Variants in ANXA6 observed in about 807,000 individuals in gnomAD.
ANXA6 encodes the protein annexin A6.
In ANXA6, 71 loss-of-function variants were observed where a neutral mutation model predicts 95.4. The ratio of observed to expected loss-of-function variants is 0.74; its 90% confidence interval spans 0.61 to 0.91. The LOEUF is 0.91. Ranked by LOEUF, ANXA6 falls within the 40% of genes least tolerant of loss-of-function variation. The pLI is 0.00. For missense variants in ANXA6, 830 were observed against 876.4 expected (o/e 0.95, Z 0.67); for synonymous variants, 289 against 315.9 (o/e 0.91, Z 0.90).
At chr5:151,118,111 C>G (rs1032083054) in intron 18 of ANXA6, among the ~76,000 whole-genome samples, 1 of 152,154 alleles carries the variant, frequency 6.6e-6, no homozygotes. Context: ...TATTTAACAG[C>G]CTCTTAAGTC....
chr5:151,117,782 C>T lies in ANXA6; in HGVS notation c.1494G>A (p.Arg498=), dbSNP rs375071714. 5.2e-5 allele frequency: 84 copies of T among 1,613,698 alleles called. No individual in the cohort carries two copies. The highest frequency in any genetic ancestry group is 7.0e-5 in the Non-Finnish European group (82 of 1,179,826). Reference sequence around the variant, plus strand: ...CCGTGGCCAGAGAAATGAGGATCCTCCTGAAGTGGCCAGATGTGTCTGAGC... The same window carrying T: ...CCGTGGCCAGAGAAATGAGGATCCTTCTGAAGTGGCCAGATGTGTCTGAGC... ...ALSSDTSGHF[R]RILISLATGH... is the part of the protein sequence containing the mutation. The change falls in exon 19 of 26, where the codon AGG becomes AGA. Residue 498 remains arginine (R), a synonymous_variant. Coordinates refer to ENST00000354546, the MANE Select transcript of ANXA6 (RefSeq NM_001155.5).
Position 151,108,536 on chromosome 5 carries a change from T to A in ANXA6, c.1699A>T (p.Ile567Phe). Residue 567 changes from isoleucine to phenylalanine, a missense_variant, in exon 23 of 26, where the codon ATC (isoleucine) becomes TTC (phenylalanine). Coordinates refer to ENST00000354546, the MANE Select transcript of ANXA6 (RefSeq NM_001155.5). ...TCCACGTCATAGTTGGTCATCTTGA[T>A]GAACTCCTGGAAGACTGGCCACAAG... ...PHLRRVFQEF[I>F]KMTNYDVEHT... The A allele has an allele frequency of 1.2e-6, 2 of 1,613,912 alleles. No homozygotes were observed. Among genetic ancestry groups the A allele is most frequent in the Non-Finnish European group, 8.5e-7 (1 of 1,179,848 alleles).
chr5:151,113,765 T>C (rs928749836), intron 20 of ANXA6, among the ~76,000 whole-genome samples: 6 of 152,254 alleles, frequency 3.9e-5, no homozygotes, highest in African/African-American at 1.4e-4. Flanking sequence ...AGAGTTCTCA[T>C]ATGACCCAGC....
At chr5:151,110,742 G>T in intron 20 of ANXA6, 98 bp from the exon 21 acceptor site, 1 of 1,368,710 alleles carries the variant, frequency 7.3e-7, no homozygotes, top group Middle Eastern at 1.8e-4. Context: ...CAGGGTGAGG[G>T]GCCTGGCTGG....
chr5:151,143,381 G>A (rs976999540), intron 2 of ANXA6, among the ~76,000 whole-genome samples: 1 of 151,940 alleles, frequency 6.6e-6, no homozygotes, highest in African/African-American at 2.4e-5. Context: ...ATGCCATTTC[G>A]ACCCTATATT....
At chr5:151,139,042 C>G in intron 4 of ANXA6, 2 of 594,084 alleles carry the variant, frequency 3.4e-6, no homozygotes, top group South Asian at 4.1e-5. Context: ...TGCCACTTCC[C>G]CACCACTGTC....
intron 18 of ANXA6, among the ~76,000 whole-genome samples, chr5:151,118,190 C>T (rs1217306274): frequency 3.9e-5 from 6 of 152,110 alleles, no homozygotes; most frequent in African/African-American, 1.2e-4. Context: ...AAAAGCAGAG[C>T]TCTGACTATG....
intron 20 of ANXA6, among the ~76,000 whole-genome samples, chr5:151,114,417 G>C (rs1764935862): frequency 1.3e-5 from 2 of 151,716 alleles, no homozygotes; most frequent in Admixed American, 1.3e-4. Flanking sequence ...TTCATAACCA[G>C]CCTGGCCAAC....
intron 2 of ANXA6, among the ~76,000 whole-genome samples, chr5:151,140,917 G>A (rs1360558270): frequency 6.6e-6 from 1 of 152,216 alleles, no homozygotes; most frequent in Non-Finnish European, 1.5e-5. Flanking sequence ...CTGCTCTCCA[G>A]CTCCAGGAAC....
intron 22 of ANXA6, 85 bp from the exon 23 acceptor site, chr5:151,108,635 C>G: frequency 1.7e-6 from 2 of 1,171,734 alleles, no homozygotes; most frequent in Admixed American, 3.4e-5. Flanking sequence ...CCAGTGCCTC[C>G]CACAGGCTGT....
intron 21 of ANXA6, 69 bp downstream of exon 21, chr5:151,110,558 C>G: frequency 1.3e-6 from 2 of 1,556,454 alleles, no homozygotes; most frequent in East Asian, 4.5e-5. Context: ...GATACTGCCC[C>G]GCTCGGCCCA....
Position 151,101,281 on chromosome 5 carries a change from G to A in ANXA6, c.*167C>T. The A allele has an allele frequency of 1.5e-6, 1 of 675,948 alleles. No individual in the cohort carries two copies. Among genetic ancestry groups the A allele is most frequent in the South Asian group, 1.7e-5 (1 of 57,738 alleles). 41.9% of individuals were successfully genotyped at this position (675,948 alleles called of 1,614,324 possible). A position where few individuals can be genotyped will look rare whatever the true frequency, so the allele number is the denominator to read the frequency against. On this transcript the variant is annotated 3_prime_UTR_variant, in exon 26 of 26. Transcript: ENST00000354546. ...CCGTGCTGGGCCCTCGATGGCCCGT[G>A]GGAGTGGGAGCGTTTCCTAAGCTCC... is the stretch of plus-strand genomic sequence containing the variant.
intron 1 of ANXA6, chr5:151,154,983 A>AG (rs61505661): frequency 6.6e-6 from 1 of 150,928 alleles, no homozygotes; most frequent in African/African-American, 2.4e-5. Context: ...AAAAAAAAAA[A>AG]GGGATAAAAA....
chr5:151,149,631 T>C (rs892610582), intron 1 of ANXA6, among the ~76,000 whole-genome samples: 3 of 152,002 alleles, frequency 2.0e-5, no homozygotes, highest in African/African-American at 7.2e-5. Flanking sequence ...GGATTACAGG[T>C]GCACGGCACC....
chr5:151,118,591 G>A (rs1042118214), intron 18 of ANXA6, among the ~76,000 whole-genome samples: 5 of 152,030 alleles, frequency 3.3e-5, no homozygotes, highest in Admixed American at 2.6e-4. Flanking sequence ...ATGCCACCAC[G>A]CCTGGCTAAT....
Position 151,138,768 on chromosome 5 carries a change from A to G in ANXA6, c.228T>C (p.Tyr76=). Residue 76 remains tyrosine (Y), a synonymous_variant, in exon 5 of 26, where the codon TAT becomes TAC. Coordinates refer to ENST00000354546, the MANE Select transcript of ANXA6 (RefSeq NM_001155.5). The stretch of plus-strand genomic sequence containing the variant: ...ACCGTTCAAACTTGCCCGTCAATTC[A>G]TACTTTAAATCAGCAATGAGGTCCT... ...YGKDLIADLK[Y]ELTGKFERLI... 1 of 1,613,828 alleles carries G rather than the reference A, an allele frequency of 6.2e-7. No individual in the cohort carries two copies.
chr5:151,131,901 A>G (rs1162649544), intron 10 of ANXA6, among the ~76,000 whole-genome samples: 1 of 152,118 alleles, frequency 6.6e-6, no homozygotes, highest in Non-Finnish European at 1.5e-5. Context: ...CACTTAACAG[A>G]TGAGGAAACT....
rs375600201 is a variant in ANXA6 at position 151,117,241 on chromosome 5, C to T, written c.1519-61G>A. On this transcript the variant is annotated intron_variant, in intron 19 of 25. Coordinates refer to ENST00000354546, the MANE Select transcript of ANXA6 (RefSeq NM_001155.5). ...ACATCGACCCATCTCCATCTCTGTACCACCACACACCCTGCTCATTTTCAC... is the reference window on the plus strand; with the variant it reads ...ACATCGACCCATCTCCATCTCTGTATCACCACACACCCTGCTCATTTTCAC... 1.0e-5 allele frequency: 15 copies of T among 1,466,988 alleles called. No individual in the cohort carries two copies. In the African/African-American group the frequency reaches 1.8e-4, roughly 18 times the overall value. The allele number at this position is 1,466,988 out of a possible 1,614,324, so 90.9% of individuals were successfully genotyped here. A position where few individuals can be genotyped will look rare whatever the true frequency, so the allele number is the denominator to read the frequency against.
At chr5:151,104,110 A>G (rs1764625982) in intron 24 of ANXA6, among the ~76,000 whole-genome samples, 1 of 152,212 alleles carries the variant, frequency 6.6e-6, no homozygotes, top group East Asian at 1.9e-4. Flanking sequence ...GGAGTGATGC[A>G]TTCACAGCCA....
Sources: allele counts gnomAD v4.1 joint callset (sites outside exome capture counted in the v4.1 genomes callset), GRCh38; gene constraint gnomAD v4.1.1; transcripts MANE v1.5; gene names NCBI Gene and HGNC (gene_info 2026-07-23, HGNC 2026-07-21).